The following PMFBP1 variants were observed in gnomAD, a reference collection of about 807,000 sequenced individuals.
The protein encoded by PMFBP1 is polyamine-modulated factor 1-binding protein 1.
PMFBP1 carries 131 observed loss-of-function variants against 137.8 expected under a neutral mutation model. That is an observed-to-expected ratio of 0.95 (90% CI 0.82 to 1.10). The LOEUF (loss-of-function observed/expected upper bound fraction) is 1.10. PMFBP1 is among the 50% of genes least tolerant of loss of function. The pLI is 0.00. For synonymous variants in PMFBP1, 490 were observed against 450.4 expected (o/e 1.09, Z -1.11); for missense variants, 1,199 against 1,175.4 (o/e 1.02, Z -0.29).
At chr16:72,140,059 C>T (rs948606225) in intron 6 of PMFBP1, among the ~76,000 whole-genome samples, 5 of 152,186 alleles carry the variant, frequency 3.3e-5, no homozygotes, top group South Asian at 2.1e-4. Context: ...AGTCACAAAG[C>T]GCCTTCCATG....
the PMFBP1 span, among the ~76,000 whole-genome samples, chr16:72,201,774 A>G: frequency 6.6e-6 from 1 of 152,098 alleles, no homozygotes; most frequent in Non-Finnish European, 1.5e-5. Flanking sequence ...TATATACATT[A>G]CCTTGATTTA....
At chr16:72,128,341 C>T (rs896838868) in intron 14 of PMFBP1, 3 of 1,289,364 alleles carry the variant, frequency 2.3e-6, no homozygotes, top group South Asian at 1.5e-5. Flanking sequence ...GGAAGTGTTC[C>T]CTAGCAAATT....
chr16:72,209,731 T>C, the PMFBP1 span, among the ~76,000 whole-genome samples: 1 of 152,150 alleles, frequency 6.6e-6, no homozygotes, highest in Non-Finnish European at 1.5e-5. Flanking sequence ...AGACATAATA[T>C]TGACCCTCAG....
chr16:72,182,221 G>C, the PMFBP1 span, among the ~76,000 whole-genome samples: 4 of 152,164 alleles, frequency 2.6e-5, no homozygotes, highest in African/African-American at 9.7e-5. Flanking sequence ...CAAAAGTCAA[G>C]AGGTGGCTTA....
At chr16:72,246,026 T>C in the PMFBP1 span, among the ~76,000 whole-genome samples, 1 of 152,134 alleles carries the variant, frequency 6.6e-6, no homozygotes, top group Non-Finnish European at 1.5e-5. Flanking sequence ...CTACTCTGGA[T>C]AGTGTGGGAG....
the PMFBP1 span, among the ~76,000 whole-genome samples, chr16:72,205,836 T>C: frequency 6.6e-6 from 1 of 152,268 alleles, no homozygotes; most frequent in South Asian, 2.1e-4. Flanking sequence ...TTGATGCCCT[T>C]GGCATAACCT....
chr16:72,185,545 C>T, the PMFBP1 span, among the ~76,000 whole-genome samples: 1 of 152,074 alleles, frequency 6.6e-6, no homozygotes, highest in Non-Finnish European at 1.5e-5. Flanking sequence ...TCTGAATCCC[C>T]AAGCTTGGGT....
intron 1 of PMFBP1, 81 bp downstream of exon 1, chr16:72,171,973 T>G (rs1173774152): frequency 6.6e-6 from 1 of 152,208 alleles, no homozygotes; most frequent in Non-Finnish European, 1.5e-5. Flanking sequence ...TTTGAGGTCA[T>G]AATGCACTGA....
intron 9 of PMFBP1, among the ~76,000 whole-genome samples, chr16:72,135,175 A>G (rs1229491174): frequency 6.6e-6 from 1 of 151,926 alleles, no homozygotes; most frequent in Non-Finnish European, 1.5e-5. Flanking sequence ...GATGATGATG[A>G]TGATTATTAT....
intron 7 of PMFBP1, among the ~76,000 whole-genome samples, chr16:72,138,698 T>C (rs1332810323): frequency 1.3e-5 from 2 of 152,054 alleles, no homozygotes; most frequent in Non-Finnish European, 2.9e-5. Context: ...GTATTTTTAG[T>C]AGAGATGGAG....
chr16:72,191,130 T>C, the PMFBP1 span, among the ~76,000 whole-genome samples: 3 of 152,172 alleles, frequency 2.0e-5, no homozygotes, highest in Non-Finnish European at 4.4e-5. Context: ...ATAGGGCCAT[T>C]ATAGGATTTC....
At chr16:72,123,337 G>A (rs1038234214) in intron 18 of PMFBP1, among the ~76,000 whole-genome samples, 3 of 152,172 alleles carry the variant, frequency 2.0e-5, no homozygotes, top group Non-Finnish European at 1.5e-5. Flanking sequence ...TCCTGCCATC[G>A]CTGTTTCCAG....
the PMFBP1 span, among the ~76,000 whole-genome samples, chr16:72,211,895 G>A: frequency 1.3e-5 from 2 of 152,244 alleles, no homozygotes; most frequent in East Asian, 1.9e-4. Context: ...TACTAGAGAG[G>A]CTGAAGTGGG....
intron 2 of PMFBP1, among the ~76,000 whole-genome samples, chr16:72,170,154 C>T (rs1214644186): frequency 6.6e-6 from 1 of 151,640 alleles, no homozygotes. Flanking sequence ...ACAATGAACG[C>T]CTGGCATATT....
chr16:72,234,558 A>T, the PMFBP1 span, among the ~76,000 whole-genome samples: 1 of 152,268 alleles, frequency 6.6e-6, no homozygotes, highest in African/African-American at 2.4e-5. Flanking sequence ...GCAACGTCCA[A>T]CCCCACCCTC....
chr16:72,224,339 G>A, the PMFBP1 span, among the ~76,000 whole-genome samples: 3 of 151,962 alleles, frequency 2.0e-5, no homozygotes, highest in African/African-American at 4.8e-5. Context: ...CCTCTACTCC[G>A]TTGACTGCCA....
intron 3 of PMFBP1, among the ~76,000 whole-genome samples, chr16:72,160,815 C>T (rs2043050380): frequency 1.3e-5 from 2 of 152,134 alleles, no homozygotes; most frequent in Admixed American, 1.3e-4. Flanking sequence ...TTTGATACAG[C>T]ATGATCTATT....
At chr16:72,138,980 A>G (rs539284330) in intron 7 of PMFBP1, among the ~76,000 whole-genome samples, 2 of 151,904 alleles carry the variant, frequency 1.3e-5, no homozygotes, top group Non-Finnish European at 2.9e-5. Context: ...GTACTTTTCA[A>G]CTCCAGCCAG....
chr16:72,231,685 A>C, the PMFBP1 span, among the ~76,000 whole-genome samples: 5 of 152,216 alleles, frequency 3.3e-5, no homozygotes, highest in African/African-American at 4.8e-5. Context: ...TCAAAGAAAT[A>C]TAAAATACAA....
Sources: allele counts gnomAD v4.1 joint callset (sites outside exome capture counted in the v4.1 genomes callset), GRCh38; gene constraint gnomAD v4.1.1; transcripts MANE v1.5; gene names NCBI Gene and HGNC (gene_info 2026-07-23, HGNC 2026-07-21).